The following OSBP2 variants were observed in gnomAD, a reference collection of about 807,000 sequenced individuals.
The protein encoded by OSBP2 is oxysterol-binding protein 2.
In OSBP2, 66 loss-of-function variants were observed where a neutral mutation model predicts 96.0. That is an observed-to-expected ratio of 0.69 (90% CI 0.56 to 0.84). The LOEUF (loss-of-function observed/expected upper bound fraction) is 0.84. OSBP2 is among the 40% of genes least tolerant of loss of function. The pLI is 0.00. For synonymous variants in OSBP2, 525 were observed against 520.9 expected (o/e 1.01, Z -0.11); for missense variants, 1,038 against 1,222.7 (o/e 0.85, Z 2.25).
At chr22:30,800,019 C>T (rs1425466305) in intron 2 of OSBP2, among the ~76,000 whole-genome samples, 2 of 152,176 alleles carry the variant, frequency 1.3e-5, no homozygotes, top group African/African-American at 2.4e-5. Flanking sequence ...GCTAGGCTAC[C>T]GTCCCAAGGG....
chr22:30,893,104 C>T lies in OSBP2; in HGVS notation c.1870-18C>T. ...CTCATGTCTGGCAGATGCTCACATC[C>T]TATGGGTCTGGTCTCAGGTGAGCCA... On this transcript the variant is annotated intron_variant, in intron 8 of 13. Coordinates refer to ENST00000332585, the MANE Select transcript of OSBP2 (RefSeq NM_030758.4). The T allele has an allele frequency of 1.2e-6, 2 of 1,613,318 alleles. No individual in the cohort carries two copies. Among genetic ancestry groups the T allele is most frequent in the South Asian group, 1.1e-5 (1 of 91,070 alleles).
chr22:30,843,444 T>G, intron 2 of OSBP2, among the ~76,000 whole-genome samples: 2 of 120,556 alleles, frequency 1.7e-5, no homozygotes, highest in African/African-American at 4.0e-5. Flanking sequence ...CAGGAATCTT[T>G]CCCCCCTCCC....
chr22:30,712,980 G>A (rs1458429446), intron 1 of OSBP2, among the ~76,000 whole-genome samples: 1 of 151,708 alleles, frequency 6.6e-6, no homozygotes, highest in Non-Finnish European at 1.5e-5. Flanking sequence ...GCACCATCAC[G>A]ACTCACTGCA....
At chr22:30,822,870 CCCCG>C (rs2038312201) in intron 2 of OSBP2, among the ~76,000 whole-genome samples, 1 of 152,210 alleles carries the variant, frequency 6.6e-6, no homozygotes, top group South Asian at 2.1e-4. Flanking sequence ...TGTCCCCGCA[CCCCG>C]CCGGCGTGCG....
At chr22:30,858,442 G>A (rs528897782) in intron 2 of OSBP2, among the ~76,000 whole-genome samples, 63 of 151,716 alleles carry the variant, frequency 4.2e-4, no homozygotes, top group South Asian at 1.5e-3. Flanking sequence ...CACCGCGCCC[G>A]GCCTCACTTT....
At chr22:30,764,344 C>G (rs2090243784) in intron 2 of OSBP2, 1 of 985,360 alleles carries the variant, frequency 1.0e-6, no homozygotes, top group East Asian at 1.1e-4. Flanking sequence ...CTAAAGAATA[C>G]CTGGACAGCC....
In OSBP2 at chr22:30,893,620, A is replaced by G. The variant is rs2040003390; in HGVS notation, c.2095-18A>G. 1 of 1,613,672 alleles carries G rather than the reference A, an allele frequency of 6.2e-7. No homozygotes were observed. Among genetic ancestry groups the G allele is most frequent in the Non-Finnish European group, 8.5e-7 (1 of 1,179,562 alleles). On this transcript the variant is annotated intron_variant, in intron 10 of 13. Coordinates refer to ENST00000332585, the MANE Select transcript of OSBP2 (RefSeq NM_030758.4). ...ATGGCCCGGGGGCTGGCCGCTGACC[A>G]CTGCCCTCCTTCGCCAGTCAGGGGA...
chr22:30,884,172 A>G (rs548114678), intron 3 of OSBP2, among the ~76,000 whole-genome samples: 1 of 152,322 alleles, frequency 6.6e-6, no homozygotes, highest in South Asian at 2.1e-4. Context: ...TCAGTCTCAC[A>G]CATCATCAGG....
chr22:30,879,180 C>G (rs1276556664), intron 3 of OSBP2, among the ~76,000 whole-genome samples: 1 of 152,222 alleles, frequency 6.6e-6, no homozygotes, highest in Non-Finnish European at 1.5e-5. Context: ...GGGTGAGAGG[C>G]CCGGAGCTGC....
At chr22:30,843,133 C>G (rs1202396418) in intron 2 of OSBP2, among the ~76,000 whole-genome samples, 1 of 152,152 alleles carries the variant, frequency 6.6e-6, no homozygotes, top group Non-Finnish European at 1.5e-5. Context: ...GATTCTCTTG[C>G]TATTTCTACT....
intron 3 of OSBP2, among the ~76,000 whole-genome samples, chr22:30,876,568 C>T (rs898150150): frequency 1.3e-5 from 2 of 152,236 alleles, no homozygotes; most frequent in Admixed American, 6.5e-5. Flanking sequence ...CCTCTCCCGA[C>T]CCGTTCCCCA....
intron 2 of OSBP2, among the ~76,000 whole-genome samples, chr22:30,800,847 G>T (rs985012818): frequency 3.3e-5 from 5 of 152,060 alleles, no homozygotes; most frequent in Admixed American, 1.3e-4. Flanking sequence ...TGAATCTTTT[G>T]GGGTCTTCAA....
intron 2 of OSBP2, among the ~76,000 whole-genome samples, chr22:30,853,354 T>G (rs542813077): frequency 6.6e-6 from 1 of 152,354 alleles, no homozygotes; most frequent in Non-Finnish European, 1.5e-5. Context: ...TTCATCATAA[T>G]GAAATTTCCA....
chr22:30,792,237 C>T (rs952305504), intron 2 of OSBP2, among the ~76,000 whole-genome samples: 3 of 151,810 alleles, frequency 2.0e-5, no homozygotes, highest in African/African-American at 4.8e-5. Flanking sequence ...TGCTTGAACT[C>T]GGGAGGTGGA....
rs2039713854 is a variant in OSBP2, at chr22:30,881,998, A to C, written c.1108-5428A>C. ...CGACCTGCATGTGCCCAGCCTAGGC[A>C]CATGTACCCAAATGAGGCCCAGCTG... On this transcript the variant is annotated intron_variant, in intron 3 of 13. Coordinates refer to ENST00000332585, the MANE Select transcript of OSBP2 (RefSeq NM_030758.4). This position sits in a 1 kb window ranked among gnomAD's most constrained non-coding sequence, Gnocchi z 4.5. Among the ~76,000 whole-genome samples, 1 of 152,168 alleles carries C rather than the reference A, an allele frequency of 6.6e-6. No individual in the cohort carries two copies. The highest frequency in any genetic ancestry group is 2.1e-4 in the South Asian group (1 of 4,820).
chr22:30,756,521 C>T (rs1249077827), intron 2 of OSBP2, among the ~76,000 whole-genome samples: 2 of 152,040 alleles, frequency 1.3e-5, no homozygotes, highest in South Asian at 2.1e-4. Context: ...GGTGAAACCC[C>T]GTCTCTAGTA....
At chr22:30,759,619 C>A (rs1054376022) in intron 2 of OSBP2, among the ~76,000 whole-genome samples, 1 of 152,112 alleles carries the variant, frequency 6.6e-6, no homozygotes. Context: ...ATGAAATGAA[C>A]CAATTCTTCA....
intron 1 of OSBP2, among the ~76,000 whole-genome samples, chr22:30,711,767 T>G (rs993097455): frequency 3.3e-5 from 5 of 149,948 alleles, no homozygotes; most frequent in Admixed American, 6.7e-5. Context: ...AAAAATTAAG[T>G]CCACAGTATT....
intron 1 of OSBP2, among the ~76,000 whole-genome samples, chr22:30,704,612 G>A (rs1227001425): frequency 6.6e-6 from 1 of 151,736 alleles, no homozygotes; most frequent in African/African-American, 2.4e-5. Context: ...TGCCTCCTGG[G>A]TTCAAGATAT....
Sources: allele counts gnomAD v4.1 joint callset (sites outside exome capture counted in the v4.1 genomes callset), GRCh38; gene constraint gnomAD v4.1.1; non-coding constraint Gnocchi (gnomAD v3.1); transcripts MANE v1.5; gene names NCBI Gene and HGNC (gene_info 2026-07-23, HGNC 2026-07-21).